The following GMPPB variants were observed in gnomAD, a reference collection of about 807,000 sequenced individuals.
GMPPB encodes the protein mannose-1-phosphate guanylyltransferase catalytic subunit beta.
Under a neutral mutation model 40.3 loss-of-function variants are expected in GMPPB, and 38 were observed. The ratio of observed to expected loss-of-function variants is 0.94; its 90% CI spans 0.73 to 1.24. The LOEUF is 1.24. Among genes scored for constraint, GMPPB ranks in the 50% most tolerant of loss-of-function variants. The pLI, the probability that GMPPB is intolerant of heterozygous loss-of-function variation, is 0.00. For missense variants in GMPPB, 436 were observed against 487.1 expected, an observed-to-expected ratio of 0.90 and a Z score of 0.99; for synonymous variants, 193 against 191.8, an observed-to-expected ratio of 1.01 and a Z score of -0.05.
Position 49,722,458 on chromosome 3 carries a change from C to A in GMPPB, c.614G>T (p.Gly205Val). The change falls in exon 6 of 9, where the codon GGG becomes GTG. Residue 205 changes from glycine to valine, a missense_variant. Transcript: ENST00000308388. ...KEVFPIMAKE[G>V]QLYAMELQGF... is the part of the protein sequence containing the mutation. ...CTGTAACTCCATGGCATATAGCTGC[C>A]CCTCCTTGGCCATAATGGGGAAGAC... The A allele has an allele frequency of 6.2e-7, 1 of 1,614,146 alleles. No homozygotes were observed. The highest frequency in any genetic ancestry group is 8.5e-7 in the Non-Finnish European group (1 of 1,180,016).
chr3:49,721,677 G>T lies in GMPPB; in HGVS notation c.*75C>A. 3 of 1,365,342 alleles carry T rather than the reference G, an allele frequency of 2.2e-6. No homozygotes were observed. Among genetic ancestry groups the T allele is most frequent in the Non-Finnish European group, 3.0e-6 (3 of 986,124 alleles). 84.6% of individuals were successfully genotyped at this position (1,365,342 alleles called of 1,614,324 possible). On this transcript the variant is annotated 3_prime_UTR_variant, in exon 9 of 9. Transcript: ENST00000308388. ...CCAGACAAATAATGACAAGTCCAGGGTCTTCTGATGTGTCAGGCCAGCACT... is the reference window on the plus strand; with the variant it reads ...CCAGACAAATAATGACAAGTCCAGGTTCTTCTGATGTGTCAGGCCAGCACT...
In GMPPB at chr3:49,723,618, G is replaced by A. The variant is rs1348189028; in HGVS notation, c.109C>T (p.Gln37Ter). 3 of 1,585,730 alleles carry A rather than the reference G, an allele frequency of 1.9e-6. No homozygotes were observed. Among genetic ancestry groups the A allele is most frequent in the Non-Finnish European group, 2.6e-6 (3 of 1,164,966 alleles). ...DFCNKPILLHQVEALAAAGVD... is the reference protein window; with the variant it reads ...DFCNKPILLH ...CTTACCGCGGCTAGCGCCTCCACTT[G>A]GTGCAGCAAGATGGGCTTATTGCAG... Residue 37 changes from glutamine to a stop codon, truncating the protein, a stop_gained, in exon 1 of 9, where the codon CAA becomes TAA. Transcript: ENST00000308388. LOFTEE classifies it high-confidence loss of function.
rs1382075638 is a variant in GMPPB at position 49,722,658 on chromosome 3, C to A, written c.499G>T (p.Val167Leu). The A allele has an allele frequency of 6.2e-7, 1 of 1,614,076 alleles. No individual in the cohort carries two copies. Residue 167 changes from valine (V) to leucine (L), a missense_variant, in exon 5 of 9, where the codon GTG becomes TTG. By Grantham distance (32) the Val-to-Leu change is conservative. Transcript: ENST00000308388. ...HRFVEKPQVF[V>L]SNKINAGMYI... ...ATGCCTGCGTTGATCTTATTGGACA[C>A]AAACACCTGTGGCTTCTCCACGAAC...
chr3:49,722,405 C>T lies in GMPPB; in HGVS notation c.640+27G>A, dbSNP rs747150735. ...GGGCCTCAGCCCAGCCACAGACCAC[C>T]CCCACCCTGTGGCCTCCCTGCCTCA... On this transcript the variant is annotated intron_variant, in intron 6 of 8. Coordinates refer to ENST00000308388, the MANE Select transcript of GMPPB (RefSeq NM_021971.4). The T allele has an allele frequency of 1.2e-5, 19 of 1,613,794 alleles. 1 individual carries two copies. In the Admixed American group the frequency reaches 1.3e-4, roughly 11 times the overall value.
chr3:49,722,249 A>C lies in GMPPB; in HGVS notation c.750T>G (p.Ile250Met). The C allele has an allele frequency of 6.2e-7, 1 of 1,613,606 alleles. No individual in the cohort carries two copies. Among genetic ancestry groups the C allele is most frequent in the Non-Finnish European group, 8.5e-7 (1 of 1,179,794 alleles). Reference protein sequence around the residue: ...QPERLCSGPGIVGNVLVDPSA... With the variant: ...QPERLCSGPGMVGNVLVDPSA... Reference sequence around the variant, plus strand: ...GCCTCACCACCAGCACGTTGCCCACAATGCCAGGGCCTGAGCACAGCCGCT... The same window carrying C: ...GCCTCACCACCAGCACGTTGCCCACCATGCCAGGGCCTGAGCACAGCCGCT... The change falls in exon 7 of 9, where the codon ATT (isoleucine) becomes ATG (methionine). Residue 250 changes from isoleucine to methionine, a missense_variant. Transcript: ENST00000308388.
In GMPPB at chr3:49,723,446, G is replaced by C; in HGVS notation, c.156C>G (p.Ala52=). ...AAAGVDHVIL[A]VSYMSQVLEK... ...CCAGCACCTGCGACATGTAGCTCAC[G>C]GCCAGGATCACGTGGTCCACGCCTG... Residue 52 remains alanine, a synonymous_variant, in exon 2 of 9, where the codon GCC becomes GCG. Transcript: ENST00000308388. 6.2e-7 allele frequency: 1 copy of C among 1,613,998 alleles called. No homozygotes were observed. Among genetic ancestry groups the C allele is most frequent in the Non-Finnish European group, 8.5e-7 (1 of 1,180,030 alleles).
rs1443250038 is a variant in GMPPB, at chr3:49,720,840, A to G, written c.*912T>C. 6 of 1,614,198 alleles carry G rather than the reference A, an allele frequency of 3.7e-6. No homozygotes were observed. Among genetic ancestry groups the G allele is most frequent in the Non-Finnish European group, 5.1e-6 (6 of 1,180,040 alleles). ...GTGCCGATGAGCTGGCCCAAGTGGA[A>G]CAGATGCTGGCGCACCTGACCTCTG... is the stretch of plus-strand genomic sequence containing the variant. On this transcript the variant is annotated 3_prime_UTR_variant, in exon 9 of 9. Transcript: ENST00000308388.
At position 49,720,158 on chromosome 3, in the gene GMPPB, A is replaced by G. The variant is rs1008613216; in HGVS notation, c.*1594T>C. The G allele has an allele frequency of 9.0e-6, 1 of 110,546 alleles. No individual in the cohort carries two copies. The highest frequency in any genetic ancestry group is 1.8e-5 in the Non-Finnish European group (1 of 54,616). 6.8% of individuals were successfully genotyped at this position (110,546 alleles called of 1,614,324 possible). A position where few individuals can be genotyped will look rare whatever the true frequency, so the allele number is the denominator to read the frequency against. Reference sequence around the variant, plus strand: ...TGGTGAAACCCTGTCTCTACTAAAAATACAACAATTAGCCGGGCGTGGTGG... The same window carrying G: ...TGGTGAAACCCTGTCTCTACTAAAAGTACAACAATTAGCCGGGCGTGGTGG... On this transcript the variant is annotated 3_prime_UTR_variant, in exon 9 of 9. Transcript: ENST00000308388.
Position 49,720,736 on chromosome 3 carries a change from G to C in GMPPB, c.*1016C>G. 6.2e-7 allele frequency: 1 copy of C among 1,611,044 alleles called. No individual in the cohort carries two copies. The highest frequency in any genetic ancestry group is 1.1e-5 in the South Asian group (1 of 91,014). On this transcript the variant is annotated 3_prime_UTR_variant, in exon 9 of 9. Transcript: ENST00000308388. ...TTAAGAACAGCAAAGTCCTAGGCTG[G>C]GAATATTCAAGAGGCATCACATCCT... is the stretch of plus-strand genomic sequence containing the variant.
In GMPPB at chr3:49,723,124, G is replaced by A. The variant is rs751336882; in HGVS notation, c.260-10C>T. 3 of 1,613,882 alleles carry A rather than the reference G, an allele frequency of 1.9e-6. No individual in the cohort carries two copies. Among genetic ancestry groups the A allele is most frequent in the South Asian group, 2.2e-5 (2 of 91,064 alleles). ...AGCGCCAGGGGCCCAGCTGGGGGAA[G>A]GGGACAGGTCACCACCTTGCTGGAG... is the stretch of plus-strand genomic sequence containing the variant. On this transcript the variant is annotated splice_polypyrimidine_tract_variant and intron_variant, in intron 3 of 8. Coordinates refer to ENST00000308388, the MANE Select transcript of GMPPB (RefSeq NM_021971.4).
In GMPPB at chr3:49,721,855, C is replaced by A; in HGVS notation, c.980G>T (p.Gly327Val). Residue 327 changes from glycine (G) to valine (V), a missense_variant, in exon 9 of 9, where the codon GGT (glycine) becomes GTT (valine). Gly to Val is a moderately radical substitution (Grantham distance 109). Coordinates refer to ENST00000308388, the MANE Select transcript of GMPPB (RefSeq NM_021971.4). The part of the protein sequence containing the change: ...WVRMENVTVL[G>V]EDVIVNDELY... ...CTCATCATTAACTATGACGTCCTCA[C>A]CCAGCACTGTCACGTTCTCCATGCG... The A allele has an allele frequency of 6.2e-7, 1 of 1,613,976 alleles. No individual in the cohort carries two copies. The highest frequency in any genetic ancestry group is 8.5e-7 in the Non-Finnish European group (1 of 1,179,980).
At position 49,721,139 on chromosome 3, in the gene GMPPB, G is replaced by A; in HGVS notation, c.*613C>T. On this transcript the variant is annotated 3_prime_UTR_variant, in exon 9 of 9. Coordinates refer to ENST00000308388, the MANE Select transcript of GMPPB (RefSeq NM_021971.4). ...GCCCCACAGCTTGGTGGTGGGGAGA[G>A]CAGTAGGTACATGCAGGGCAGTCCT... 1 of 1,614,092 alleles carries A rather than the reference G, an allele frequency of 6.2e-7. No homozygotes were observed. Among genetic ancestry groups the A allele is most frequent in the Non-Finnish European group, 8.5e-7 (1 of 1,179,952 alleles).
rs576767657 is a variant in GMPPB, at chr3:49,720,454, G to C, written c.*1298C>G. On this transcript the variant is annotated 3_prime_UTR_variant, in exon 9 of 9. Coordinates refer to ENST00000308388, the MANE Select transcript of GMPPB (RefSeq NM_021971.4). ...GCACTCCTCATTGGCAATCCCAAGA[G>C]AGACTTTTAGCCAGGCCCCAAGCCT... 14 of 1,494,944 alleles carry C rather than the reference G, an allele frequency of 9.4e-6. No homozygotes were observed. The East Asian group carries it at 2.8e-4, about 29-fold the overall frequency. The allele number at this position is 1,494,944 out of a possible 1,614,324, so 92.6% of individuals were successfully genotyped here.
At chr3:49,722,185 C>T in intron 7 of GMPPB, 38 bp from the exon 8 acceptor site, 1 of 1,606,998 alleles carries the variant, frequency 6.2e-7, no homozygotes, top group Non-Finnish European at 8.5e-7. Flanking sequence ...GGCCACTTGT[C>T]TCCCAAGACT....
Position 49,723,475 on chromosome 3 carries a change from G to A in GMPPB, c.130-3C>T. ...AGGATCACGTGGTCCACGCCTGCCT[G>A]TCAGAACGCAGGCCGACGGGCGGGC... On this transcript the variant is annotated splice_polypyrimidine_tract_variant and splice_region_variant and intron_variant, in intron 1 of 8. Transcript: ENST00000308388. 2.5e-6 allele frequency: 4 copies of A among 1,613,664 alleles called. No individual in the cohort carries two copies. The highest frequency in any genetic ancestry group is 3.4e-6 in the Non-Finnish European group (4 of 1,180,030).
In GMPPB at chr3:49,721,525, A is replaced by C; in HGVS notation, c.*227T>G. 1 of 815,866 alleles carries C rather than the reference A, an allele frequency of 1.2e-6. No homozygotes were observed. Among genetic ancestry groups the C allele is most frequent in the Non-Finnish European group, 2.1e-6 (1 of 483,190 alleles). 50.5% of individuals were successfully genotyped at this position (815,866 alleles called of 1,614,324 possible). On this transcript the variant is annotated 3_prime_UTR_variant, in exon 9 of 9. Coordinates refer to ENST00000308388, the MANE Select transcript of GMPPB (RefSeq NM_021971.4). ...ACAGTGAGCATTAAATTATTATTCC[A>C]TACAGCCCTGGCCCTGGCCCTTCTT...
In GMPPB at chr3:49,721,853, C is replaced by T. The variant is rs1356812347; in HGVS notation, c.982G>A (p.Glu328Lys). 1 of 1,613,974 alleles carries T rather than the reference C, an allele frequency of 6.2e-7. No homozygotes were observed. Among genetic ancestry groups the T allele is most frequent in the Non-Finnish European group, 8.5e-7 (1 of 1,179,990 alleles). Residue 328 changes from glutamate (E) to lysine (K), a missense_variant, in exon 9 of 9, where the codon GAG becomes AAG. Physicochemically the swap from Glu to Lys is moderately conservative, Grantham distance 56. Coordinates refer to ENST00000308388, the MANE Select transcript of GMPPB (RefSeq NM_021971.4). ...VRMENVTVLG[E>K]DVIVNDELYL... ...AGCTCATCATTAACTATGACGTCCT[C>T]ACCCAGCACTGTCACGTTCTCCATG... is the stretch of plus-strand genomic sequence containing the variant.
At position 49,721,483 on chromosome 3, in the gene GMPPB, G is replaced by GACTT. The variant is rs2080406534; in HGVS notation, c.*265_*268dup. ...CATGGCCCTAATTGTGCCTGAGCTT[G>GACTT]ACTTTCAGTCAGGGCCACAGTGAGC... is the stretch of plus-strand genomic sequence containing the variant. On this transcript the variant is annotated 3_prime_UTR_variant, in exon 9 of 9. Coordinates refer to ENST00000308388, the MANE Select transcript of GMPPB (RefSeq NM_021971.4). The GACTT allele has an allele frequency of 2.1e-6, 2 of 934,666 alleles. No individual in the cohort carries two copies. The highest frequency in any genetic ancestry group is 3.5e-6 in the Non-Finnish European group (2 of 572,646). 57.9% of individuals were successfully genotyped at this position (934,666 alleles called of 1,614,324 possible). A position where few individuals can be genotyped will look rare whatever the true frequency, so the allele number is the denominator to read the frequency against.
Position 49,720,359 on chromosome 3 carries a change from T to A in GMPPB, c.*1393A>T. Reference sequence around the variant, plus strand: ...CAGGCTGTGTGGCACCTTACTAGAATACAGGACTTGGGGTTTGGGAAGCAG... The same window carrying A: ...CAGGCTGTGTGGCACCTTACTAGAAAACAGGACTTGGGGTTTGGGAAGCAG... On this transcript the variant is annotated 3_prime_UTR_variant, in exon 9 of 9. Transcript: ENST00000308388. The A allele has an allele frequency of 1.6e-5, 10 of 625,014 alleles. No individual in the cohort carries two copies. The highest frequency in any genetic ancestry group is 2.2e-5 in the Non-Finnish European group (9 of 404,702). The allele number at this position is 625,014 out of a possible 1,614,324, so 38.7% of individuals were successfully genotyped here.
Sources: gnomAD v4.1 joint callset for allele counts on GRCh38, gnomAD v4.1.1 for gene constraint, MANE v1.5 for transcripts, NCBI Gene and HGNC (gene_info 2026-07-23, HGNC 2026-07-21) for gene names.